The following UBE3D variants were observed in gnomAD, a reference collection of about 807,000 sequenced individuals.
The protein encoded by UBE3D is E3 ubiquitin-protein ligase E3D.
Under a neutral mutation model 49.6 loss-of-function variants are expected in UBE3D, and 48 were observed. The observed-to-expected ratio is 0.97, with a 90% confidence interval of 0.77 to 1.23. The LOEUF is 1.23. Ranked by LOEUF, UBE3D falls within the 50% of genes most tolerant of loss-of-function variation. UBE3D has a pLI of 0.00. For missense variants in UBE3D, 452 were observed against 468.4 expected, an observed-to-expected ratio of 0.96 and a Z score of 0.32; for synonymous variants, 189 against 174.2, an observed-to-expected ratio of 1.08 and a Z score of -0.67.
chr6:83,050,984 C>A (rs7738988), intron 3 of UBE3D, among the ~76,000 whole-genome samples: 118,424 of 152,162 alleles, frequency 0.78, 46,244 homozygotes, highest in East Asian at 0.91. Context: ...TCCTCGGCAC[C>A]TGCAGAGTAT....
At chr6:82,983,054 T>C (rs759162818) in intron 8 of UBE3D, among the ~76,000 whole-genome samples, 3 of 151,908 alleles carry the variant, frequency 2.0e-5, no homozygotes, top group South Asian at 2.1e-4. Context: ...GGCATGATCA[T>C]AGCTCACTGC....
rs139713531 is a variant in UBE3D, at chr6:83,022,529, C to T, written c.770G>A (p.Cys257Tyr). Residue 257 changes from cysteine (C) to tyrosine (Y), a missense_variant, in exon 7 of 10, where the codon TGT (cysteine) becomes TAT (tyrosine). Coordinates refer to ENST00000369747, the MANE Select transcript of UBE3D (RefSeq NM_198920.3). ...TCTAGCAGAGGAGAGCTGCACCAGA[C>T]ACTGGGCGATCACGCTCTGGACAAA... ...SWFVQSVIAQ[C>Y]LVQLSSARST... The T allele has an allele frequency of 2.5e-6, 4 of 1,605,172 alleles. No individual in the cohort carries two copies. The highest frequency in any genetic ancestry group is 2.3e-5 in the East Asian group (1 of 44,138).
intron 1 of UBE3D, among the ~76,000 whole-genome samples, chr6:83,058,662 C>T (rs1783971376): frequency 6.6e-6 from 1 of 152,242 alleles, no homozygotes; most frequent in Admixed American, 6.5e-5. Context: ...TAAGTGCAGA[C>T]AGCAGGTCAT....
chr6:83,054,291 A>T lies in UBE3D; in HGVS notation c.275-53T>A. ...CTTAGAGATTGAAACAAATATATTA[A>T]CATACTTAAACAGTTCAATAGCCAC... On this transcript the variant is annotated intron_variant, in intron 2 of 9. Transcript: ENST00000369747. 4.5e-6 allele frequency: 6 copies of T among 1,342,368 alleles called. No individual in the cohort carries two copies. The South Asian group carries it at 7.1e-5, about 16-fold the overall frequency. 83.2% of individuals were successfully genotyped at this position (1,342,368 alleles called of 1,614,324 possible).
intron 9 of UBE3D, among the ~76,000 whole-genome samples, chr6:82,900,086 G>T (rs1268495093): frequency 6.6e-6 from 1 of 152,182 alleles, no homozygotes; most frequent in Non-Finnish European, 1.5e-5. Flanking sequence ...TCTGCAGGAA[G>T]GAACCTGCAG....
At chr6:82,979,475 T>C (rs1777961200) in intron 8 of UBE3D, among the ~76,000 whole-genome samples, 1 of 152,146 alleles carries the variant, frequency 6.6e-6, no homozygotes, top group Non-Finnish European at 1.5e-5. Flanking sequence ...CAGGAAGTTC[T>C]TTGAACTGAG....
chr6:82,959,653 ATC>A (rs1415087586), intron 8 of UBE3D, among the ~76,000 whole-genome samples: 1 of 142,094 alleles, frequency 7.0e-6, no homozygotes, highest in African/African-American at 2.6e-5. Flanking sequence ...GCACCAAGTG[ATC>A]TTAAGAATTG....
At chr6:82,889,890 A>T (rs1239312223), downstream of UBE3D, among the ~76,000 whole-genome samples, 1 of 151,282 alleles carries the variant, frequency 6.6e-6, no homozygotes, top group Non-Finnish European at 1.5e-5. Flanking sequence ...GGCCGACAGA[A>T]GTTTTCAACA....
intron 8 of UBE3D, among the ~76,000 whole-genome samples, chr6:82,966,081 T>A (rs1220855544): frequency 1.3e-5 from 2 of 152,252 alleles, no homozygotes; most frequent in Non-Finnish European, 2.9e-5. Context: ...TATTTTTTTT[T>A]ACAGTTTGAG....
Position 83,038,459 on chromosome 6 carries a change from A to G in UBE3D, c.624T>C (p.Ile208=), listed in dbSNP as rs1489818143. ...CCAACATTACCTTGCAACGCTTACA[A>G]ATTACTTTGGTATTTGCCTTTGGTT... ...KLEPKANTKV[I]CKRCKVMLGE... is the part of the protein sequence containing the mutation. The change falls in exon 5 of 10, where the codon ATT becomes ATC. Residue 208 remains isoleucine, a synonymous_variant. Transcript: ENST00000369747. 3 of 1,611,314 alleles carry G rather than the reference A, an allele frequency of 1.9e-6. No individual in the cohort carries two copies. The highest frequency in any genetic ancestry group is 2.5e-6 in the Non-Finnish European group (3 of 1,179,350).
At chr6:82,891,046 T>C (rs984471), downstream of UBE3D, among the ~76,000 whole-genome samples, 49,580 of 151,968 alleles carry the variant, frequency 0.33, 9,466 homozygotes, top group African/African-American at 0.52. Flanking sequence ...CACTAATGTA[T>C]TCATTTGTGA....
intron 8 of UBE3D, among the ~76,000 whole-genome samples, chr6:82,979,371 TA>T (rs1342469165): frequency 1.3e-5 from 2 of 152,122 alleles, no homozygotes; most frequent in African/African-American, 4.8e-5. Context: ...GAGTAGACAT[TA>T]ACCTGAGAGA....
chr6:82,955,627 A>G, intron 9 of UBE3D, among the ~76,000 whole-genome samples: 1 of 152,356 alleles, frequency 6.6e-6, no homozygotes, highest in South Asian at 2.1e-4. Flanking sequence ...GGTTTAAGGC[A>G]GTGTATGAAT....
intron 8 of UBE3D, among the ~76,000 whole-genome samples, chr6:82,983,925 AT>A (rs1473148247): frequency 6.6e-6 from 1 of 151,708 alleles, no homozygotes; most frequent in Non-Finnish European, 1.5e-5. Flanking sequence ...ACTTAAGTTC[AT>A]TTTTTTTCCA....
chr6:83,002,679 C>T (rs1016716837), intron 8 of UBE3D, among the ~76,000 whole-genome samples: 38 of 152,298 alleles, frequency 2.5e-4, no homozygotes, highest in African/African-American at 7.5e-4. Context: ...AGTGAGACTC[C>T]GTCACAAACA....
rs1267740332 is a variant in UBE3D at position 82,959,466 on chromosome 6, C to G, written c.1011-2016G>C. Among the ~76,000 whole-genome samples the G allele has an allele frequency of 3.3e-5, 5 of 151,672 alleles. No individual in the cohort carries two copies. In the East Asian group the frequency reaches 7.7e-4, roughly 24 times the overall value. On this transcript the variant is annotated intron_variant, in intron 8 of 9. Transcript: ENST00000369747. ...CTCCCCTGCTCTGTAACCCAAGGACCCTACAGCCTCTGAGGTCTAACACCC... is the reference window on the plus strand; with the variant it reads ...CTCCCCTGCTCTGTAACCCAAGGACGCTACAGCCTCTGAGGTCTAACACCC...
At chr6:82,993,506 A>C (rs980380144) in intron 8 of UBE3D, among the ~76,000 whole-genome samples, 3 of 152,206 alleles carry the variant, frequency 2.0e-5, no homozygotes, top group African/African-American at 4.8e-5. Context: ...CCTCCTGTAT[A>C]CTTTAAATCA....
chr6:82,935,127 G>A (rs1774470565), intron 9 of UBE3D, among the ~76,000 whole-genome samples: 2 of 150,908 alleles, frequency 1.3e-5, no homozygotes, highest in South Asian at 2.1e-4. Flanking sequence ...GAAGCATGGT[G>A]CTGGCATCTG....
intron 9 of UBE3D, among the ~76,000 whole-genome samples, chr6:82,951,136 G>C (rs902761202): frequency 5.9e-5 from 9 of 152,170 alleles, no homozygotes; most frequent in African/African-American, 2.2e-4. Context: ...AAGCATAAAT[G>C]CTTGAGGTGA....
Sources: gnomAD v4.1 joint callset for allele counts (sites outside exome capture counted in the v4.1 genomes callset) on GRCh38, gnomAD v4.1.1 for gene constraint, MANE v1.5 for transcripts, NCBI Gene and HGNC (gene_info 2026-07-23, HGNC 2026-07-21) for gene names.